The following ANKS1B variants were observed in gnomAD, a reference collection of about 807,000 sequenced individuals.
ANKS1B encodes the protein ankyrin repeat and sterile alpha motif domain containing 1B.
A neutral mutation model predicts 148.3 loss-of-function variants in ANKS1B; 36 were observed. That is an observed-to-expected ratio of 0.24 (90% CI 0.19 to 0.32). The LOEUF (loss-of-function observed/expected upper bound fraction) is 0.32. ANKS1B is among the 10% of genes least tolerant of loss of function. The probability of loss-of-function intolerance (pLI) is 1.00; values close to 1 mark genes in which losing one functional copy is unlikely to be tolerated. For synonymous variants in ANKS1B, 542 were observed against 560.8 expected (o/e 0.97, Z 0.47); for missense variants, 1,157 against 1,542.6 (o/e 0.75, Z 4.19).
Position 98,751,305 on chromosome 12 carries a change from T to G in ANKS1B, c.3747+50A>C, listed in dbSNP as rs2098084198. ...ACACAAGGGCCTGGTTAGCAGCCCC[T>G]TTTCCTCCTGTTCAAGGTTTTTTAG... On this transcript the variant is annotated intron_variant, in intron 26 of 26. Transcript: ENST00000683438. This position sits in a 1 kb window ranked among gnomAD's most constrained non-coding sequence, Gnocchi z 4.3. 1 of 1,583,900 alleles carries G rather than the reference T, an allele frequency of 6.3e-7. No homozygotes were observed. The highest frequency in any genetic ancestry group is 1.4e-5 in the African/African-American group (1 of 74,034).
intron 16 of ANKS1B, among the ~76,000 whole-genome samples, chr12:99,060,799 C>T (rs556312144): frequency 1.3e-5 from 2 of 150,330 alleles, no homozygotes; most frequent in East Asian, 2.0e-4. Flanking sequence ...TATGAGATGA[C>T]GGAGCCACAG....
At chr12:99,628,868 C>T (rs2098133275) in intron 9 of ANKS1B, among the ~76,000 whole-genome samples, 1 of 152,144 alleles carries the variant, frequency 6.6e-6, no homozygotes, top group South Asian at 2.1e-4. Flanking sequence ...GCCCTTGTAA[C>T]CTAATCACCT....
chr12:98,817,718 C>T (rs568695961), intron 19 of ANKS1B, among the ~76,000 whole-genome samples: 1 of 152,350 alleles, frequency 6.6e-6, no homozygotes, highest in Admixed American at 6.5e-5. Flanking sequence ...TATGCATGCA[C>T]CCACTGACCC....
At chr12:99,050,654 A>G (rs1814453) in intron 17 of ANKS1B, among the ~76,000 whole-genome samples, 94,414 of 150,662 alleles carry the variant, frequency 0.63, 29,897 homozygotes, top group East Asian at 0.8. Context: ...AAGAGCCAAC[A>G]TGGGTGGAAA....
intron 12 of ANKS1B, among the ~76,000 whole-genome samples, chr12:99,258,955 T>C (rs541150711): frequency 6.6e-6 from 1 of 152,222 alleles, no homozygotes; most frequent in Non-Finnish European, 1.5e-5. Flanking sequence ...GTGTGCCTTC[T>C]ATGTCCAAGG....
chr12:99,047,216 A>G (rs2153514290), intron 17 of ANKS1B, among the ~76,000 whole-genome samples: 1 of 152,300 alleles, frequency 6.6e-6, no homozygotes, highest in East Asian at 1.9e-4. Flanking sequence ...CCTGGCCAAC[A>G]TGGTGAAACC....
chr12:99,004,524 T>C (rs2099934968), intron 17 of ANKS1B, among the ~76,000 whole-genome samples: 1 of 152,166 alleles, frequency 6.6e-6, no homozygotes, highest in Non-Finnish European at 1.5e-5. Context: ...CCAAAGGGTA[T>C]GGCTTCAACC....
chr12:99,811,639 T>G (rs2068383193), intron 3 of ANKS1B, among the ~76,000 whole-genome samples: 1 of 151,858 alleles, frequency 6.6e-6, no homozygotes, highest in Non-Finnish European at 1.5e-5. Flanking sequence ...TGGGCATATG[T>G]GTTTGTGTTT....
At chr12:99,399,874 C>G in intron 11 of ANKS1B, 63 bp from the exon 12 acceptor site, 3 of 1,522,630 alleles carry the variant, frequency 2.0e-6, no homozygotes, top group South Asian at 2.3e-5. Flanking sequence ...CCCAATCTCC[C>G]CATCAATTTA....
At chr12:99,436,232 A>G (rs542443080) in intron 11 of ANKS1B, among the ~76,000 whole-genome samples, 1 of 152,056 alleles carries the variant, frequency 6.6e-6, no homozygotes, top group African/African-American at 2.4e-5. Context: ...ATTATTTTCT[A>G]CCTAATGAGC....
intron 12 of ANKS1B, among the ~76,000 whole-genome samples, chr12:99,349,627 T>C (rs1218210945): frequency 6.6e-6 from 1 of 151,992 alleles, no homozygotes; most frequent in African/African-American, 2.4e-5. Flanking sequence ...CTCAGGAAGA[T>C]GTGACAATTA....
intron 9 of ANKS1B, among the ~76,000 whole-genome samples, chr12:99,570,885 A>G (rs1428356469): frequency 6.6e-6 from 1 of 152,148 alleles, no homozygotes; most frequent in African/African-American, 2.4e-5. Flanking sequence ...TGTTAAGCAA[A>G]TAAATCAAAA....
chr12:99,658,092 T>C (rs1056938672), intron 8 of ANKS1B, among the ~76,000 whole-genome samples: 21 of 152,158 alleles, frequency 1.4e-4, no homozygotes, highest in African/African-American at 5.1e-4. Flanking sequence ...TTGTTTACCC[T>C]TGCCTAATCA....
intron 17 of ANKS1B, among the ~76,000 whole-genome samples, chr12:98,960,914 A>T (rs2153137107): frequency 6.6e-6 from 1 of 152,286 alleles, no homozygotes; most frequent in East Asian, 1.9e-4. Flanking sequence ...AAGTAGAAGA[A>T]AGAATTAGTG....
chr12:98,956,761 G>A (rs1399657079), intron 17 of ANKS1B, among the ~76,000 whole-genome samples: 2 of 152,166 alleles, frequency 1.3e-5, no homozygotes, highest in Admixed American at 1.3e-4. Flanking sequence ...ACAGTAAGCT[G>A]TGGGGATACA....
Position 98,801,117 on chromosome 12 carries a change from G to C in ANKS1B, c.3150C>G (p.Asp1050Glu). 6.2e-7 allele frequency: 1 copy of C among 1,612,030 alleles called. No individual in the cohort carries two copies. Among genetic ancestry groups the C allele is most frequent in the Non-Finnish European group, 8.5e-7 (1 of 1,178,988 alleles). ...SAIHQVHNTG[D>E]WGEPSITLRP... ...GCAAGGTAATGGAAGGTTCTCCCCA[G>C]TCTCCTGTCTGAAAATGACATTTAT... The change falls in exon 21 of 27, where the codon GAC becomes GAG. Residue 1050 changes from aspartate (D) to glutamate (E), a missense_variant. Asp to Glu is a conservative substitution (Grantham distance 45). Around this residue, in one of 6 missense-constraint regions of ANKS1B, gnomAD observed 258 missense variants for 497.0 expected, o/e 0.52. Transcript: ENST00000683438. This position sits in a 1 kb window ranked among gnomAD's most constrained non-coding sequence, Gnocchi z 5.2.
chr12:98,894,763 G>A (rs1462947388), intron 17 of ANKS1B: 20 of 985,330 alleles, frequency 2.0e-5, no homozygotes, highest in Non-Finnish European at 2.4e-5. Flanking sequence ...GGCGCCCCCA[G>A]CGAATGCGAG....
chr12:99,845,761 C>T (rs2086561904), intron 1 of ANKS1B, among the ~76,000 whole-genome samples: 1 of 151,926 alleles, frequency 6.6e-6, no homozygotes, highest in Non-Finnish European at 1.5e-5. Context: ...GGAGTACTTC[C>T]TTTTCGATTT....
At chr12:99,520,018 T>A (rs988856063) in intron 9 of ANKS1B, among the ~76,000 whole-genome samples, 2 of 152,220 alleles carry the variant, frequency 1.3e-5, no homozygotes, top group Non-Finnish European at 2.9e-5. Flanking sequence ...ATTATTGTAT[T>A]GTGTATGTCT....
Sources: gnomAD v4.1 joint callset for allele counts (sites outside exome capture counted in the v4.1 genomes callset) on GRCh38, gnomAD v4.1.1 for gene constraint, gnomAD v4.1.1 regional missense constraint, Gnocchi (gnomAD v3.1) non-coding constraint, MANE v1.5 for transcripts, NCBI Gene and HGNC (gene_info 2026-07-23, HGNC 2026-07-21) for gene names.